The following PTPN4 variants were observed in gnomAD, a reference collection of about 807,000 sequenced individuals.
PTPN4 encodes the protein protein tyrosine phosphatase non-receptor type 4, also known as tyrosine-protein phosphatase non-receptor type 4.
In PTPN4, 49 loss-of-function variants were observed where a neutral mutation model predicts 135.5. The observed-to-expected ratio is 0.36, with a 90% CI of 0.29 to 0.46. PTPN4 has a LOEUF of 0.46. Ranked by LOEUF, PTPN4 falls within the 20% of genes least tolerant of loss-of-function variation. PTPN4 has a pLI of 1.00. For missense variants in PTPN4, 860 were observed against 1,101.0 expected (o/e 0.78, Z 3.10); for synonymous variants, 333 against 369.9 (o/e 0.90, Z 1.14).
chr2:119,797,351 A>T (rs1691280908), intron 1 of PTPN4, among the ~76,000 whole-genome samples: 1 of 152,120 alleles, frequency 6.6e-6, no homozygotes, highest in Admixed American at 6.6e-5. Context: ...TGCCTGTATG[A>T]CAGTGTCTTG....
intron 3 of PTPN4, among the ~76,000 whole-genome samples, chr2:119,863,837 G>A (rs946848627): frequency 1.1e-4 from 17 of 152,242 alleles, no homozygotes; most frequent in South Asian, 6.2e-4. Flanking sequence ...TAGACCACTT[G>A]AGCTTCTTCA....
At chr2:119,760,573 C>T (rs1171612586) in intron 1 of PTPN4, among the ~76,000 whole-genome samples, 189 bp downstream of exon 1, 2 of 152,092 alleles carry the variant, frequency 1.3e-5, no homozygotes, top group Non-Finnish European at 1.5e-5. Flanking sequence ...TCTTTCCTTT[C>T]TTCCTGGGAC....
At chr2:119,926,715 G>T in intron 13 of PTPN4, 49 bp downstream of exon 13, 1 of 1,379,472 alleles carries the variant, frequency 7.2e-7, no homozygotes, top group South Asian at 1.4e-5. Flanking sequence ...AAGATGGATT[G>T]AGTTTACTAA....
chr2:119,882,083 T>G lies in PTPN4; in HGVS notation c.414-14T>G. 1 of 1,596,644 alleles carries G rather than the reference T, an allele frequency of 6.3e-7. No homozygotes were observed. The highest frequency in any genetic ancestry group is 1.1e-5 in the South Asian group (1 of 90,582). On this transcript the variant is annotated splice_polypyrimidine_tract_variant and intron_variant, in intron 6 of 26. Transcript: ENST00000263708. ...TTTAACCTTCGGTTGTGTATTTTTG[T>G]TTTGTTTTATTAGATTACCCTGTCC...
intron 26 of PTPN4, among the ~76,000 whole-genome samples, chr2:119,972,131 C>T (rs1370268745): frequency 1.3e-5 from 2 of 151,022 alleles, no homozygotes; most frequent in Non-Finnish European, 2.9e-5. Flanking sequence ...ATGCCCCTTG[C>T]ATTTTCATAT....
At chr2:119,781,143 G>C (rs978414078) in intron 1 of PTPN4, among the ~76,000 whole-genome samples, 9 of 152,004 alleles carry the variant, frequency 5.9e-5, no homozygotes, top group African/African-American at 2.2e-4. Flanking sequence ...GATTTTGAGG[G>C]CTTACTTCCT....
At chr2:119,955,663 TGTG>T (rs1360216115) in intron 20 of PTPN4, among the ~76,000 whole-genome samples, 2 of 151,932 alleles carry the variant, frequency 1.3e-5, no homozygotes, top group Admixed American at 1.3e-4. Flanking sequence ...CTTGGCCAGG[TGTG>T]GTGGCTCACG....
intron 26 of PTPN4, among the ~76,000 whole-genome samples, chr2:119,973,458 G>C (rs76194923): frequency 0.025 from 3,732 of 152,132 alleles, 70 homozygotes; most frequent in African/African-American, 0.064. Flanking sequence ...GGTGTATAAA[G>C]ATCTCTTTGA....
At position 119,794,542 on chromosome 2, in the gene PTPN4, A is replaced by G. The variant is rs182495554; in HGVS notation, c.-17-15295A>G. ...AGGCTGTTGCTGGATCAAGCATACC[A>G]TAAGCAGCTTCCACGGCTGACGCTG... is the stretch of plus-strand genomic sequence containing the variant. On this transcript the variant is annotated intron_variant, in intron 1 of 26. Coordinates refer to ENST00000263708, the MANE Select transcript of PTPN4 (RefSeq NM_002830.4). 7.1e-3 allele frequency among the ~76,000 whole-genome samples: 1,084 copies of G among 152,306 alleles called. 8 individuals are homozygous for G. Among genetic ancestry groups the G allele is most frequent in the Non-Finnish European group, 0.011 (772 of 68,022 alleles).
chr2:119,835,224 G>A (rs1215036642), intron 2 of PTPN4, among the ~76,000 whole-genome samples: 4 of 151,882 alleles, frequency 2.6e-5, no homozygotes, highest in Admixed American at 6.6e-5. Flanking sequence ...TCACTCTGTC[G>A]CTCAGGCTGG....
chr2:119,955,111 A>G (rs773863451), intron 19 of PTPN4, 46 bp from the exon 20 acceptor site: 1 of 1,508,386 alleles, frequency 6.6e-7, no homozygotes, highest in Admixed American at 2.0e-5. Context: ...GTGTGAATTC[A>G]TTAAGATTTC....
At chr2:119,816,544 T>C (rs900517265) in intron 2 of PTPN4, among the ~76,000 whole-genome samples, 1 of 152,220 alleles carries the variant, frequency 6.6e-6, no homozygotes. Flanking sequence ...TTACATTTAT[T>C]GTGTATTTAA....
chr2:119,868,496 A>G (rs1239434373), intron 3 of PTPN4, among the ~76,000 whole-genome samples: 6 of 152,218 alleles, frequency 3.9e-5, no homozygotes, highest in African/African-American at 1.4e-4. Context: ...AACTGGCTCC[A>G]AAACTGGCCA....
intron 23 of PTPN4, among the ~76,000 whole-genome samples, chr2:119,961,548 T>A (rs1679366873): frequency 6.6e-6 from 1 of 152,222 alleles, no homozygotes; most frequent in South Asian, 2.1e-4. Flanking sequence ...ACTTAGTACT[T>A]CCATTCCTAA....
intron 3 of PTPN4, among the ~76,000 whole-genome samples, chr2:119,874,680 G>A (rs550563414): frequency 2.6e-5 from 4 of 152,136 alleles, no homozygotes; most frequent in Non-Finnish European, 5.9e-5. Flanking sequence ...GAAATATTCT[G>A]GAATTAGATA....
intron 2 of PTPN4, among the ~76,000 whole-genome samples, chr2:119,825,061 G>A (rs745915057): frequency 6.6e-6 from 1 of 152,088 alleles, no homozygotes; most frequent in Non-Finnish European, 1.5e-5. Flanking sequence ...TCTTTCCTAC[G>A]TATATACTTA....
chr2:119,822,596 A>G (rs1243231336), intron 2 of PTPN4, among the ~76,000 whole-genome samples: 2 of 152,078 alleles, frequency 1.3e-5, no homozygotes, highest in Non-Finnish European at 2.9e-5. Context: ...TCACCTCGTG[A>G]TCCACCTGCC....
intron 15 of PTPN4, among the ~76,000 whole-genome samples, chr2:119,936,046 A>G (rs1678977585): frequency 6.6e-6 from 1 of 151,890 alleles, no homozygotes; most frequent in African/African-American, 2.4e-5. Flanking sequence ...TCTTTCACCC[A>G]GGCGGGAGTG....
chr2:119,818,280 T>A (rs1677017403), intron 2 of PTPN4, among the ~76,000 whole-genome samples: 1 of 152,206 alleles, frequency 6.6e-6, no homozygotes, highest in Non-Finnish European at 1.5e-5. Flanking sequence ...TTGACTGTCT[T>A]GTCTCTTGAT....
Sources: gnomAD v4.1 joint callset for allele counts (sites outside exome capture counted in the v4.1 genomes callset) on GRCh38, gnomAD v4.1.1 for gene constraint, MANE v1.5 for transcripts, NCBI Gene and HGNC (gene_info 2026-07-23, HGNC 2026-07-21) for gene names.